MEF2A: variants seen among roughly 807,000 people sequenced by gnomAD.
The protein encoded by MEF2A is myocyte enhancer factor 2A.
In MEF2A, 28 loss-of-function variants were observed where a neutral mutation model predicts 55.8. The ratio of observed to expected loss-of-function variants is 0.50; its 90% confidence interval spans 0.37 to 0.69. MEF2A has a LOEUF of 0.69. MEF2A is among the 30% of genes least tolerant of loss of function. MEF2A has a pLI of 0.00. For synonymous variants in MEF2A, 239 were observed against 227.1 expected (o/e 1.05, Z -0.47); for missense variants, 528 against 626.2 (o/e 0.84, Z 1.67).
At chr15:99,645,925 T>G (rs956174438) in intron 4 of MEF2A, 161 bp downstream of exon 4, 2 of 528,938 alleles carry the variant, frequency 3.8e-6, no homozygotes, top group African/African-American at 3.8e-5. Context: ...GTATGGCGAC[T>G]CACTTGTGTT....
At chr15:99,636,007 T>G (rs774842950) in intron 3 of MEF2A, among the ~76,000 whole-genome samples, 25 of 152,162 alleles carry the variant, frequency 1.6e-4, no homozygotes, top group Admixed American at 8.5e-4. Flanking sequence ...TCTACTGGTT[T>G]ACACTCTGCT....
chr15:99,687,508 T>C (rs940184648), intron 7 of MEF2A, among the ~76,000 whole-genome samples: 12 of 152,224 alleles, frequency 7.9e-5, no homozygotes, highest in Non-Finnish European at 1.2e-4. Flanking sequence ...AGCTGTGGAT[T>C]ATCCAGGCTT....
At chr15:99,653,531 A>T (rs1419147207) in intron 4 of MEF2A, among the ~76,000 whole-genome samples, 1 of 152,150 alleles carries the variant, frequency 6.6e-6, no homozygotes, top group African/African-American at 2.4e-5. Context: ...GTTTTTGTTT[A>T]GTTGGTTGAT....
chr15:99,578,331 T>A (rs1433302280), intron 1 of MEF2A, among the ~76,000 whole-genome samples: 2 of 152,244 alleles, frequency 1.3e-5, no homozygotes, highest in African/African-American at 4.8e-5. Context: ...ATGCTGTTGC[T>A]TATGTTACTG....
intron 1 of MEF2A, among the ~76,000 whole-genome samples, chr15:99,593,612 G>T: frequency 6.6e-6 from 1 of 152,174 alleles, no homozygotes; most frequent in Admixed American, 6.5e-5. Flanking sequence ...CTTTGGAACT[G>T]TTTTCATGTA....
chr15:99,700,564 A>G (rs946575583), intron 8 of MEF2A, among the ~76,000 whole-genome samples: 2 of 152,140 alleles, frequency 1.3e-5, no homozygotes, highest in Non-Finnish European at 2.9e-5. Flanking sequence ...TATACATCAT[A>G]TATTTCCTAG....
chr15:99,695,256 G>T (rs2056247834), intron 8 of MEF2A, among the ~76,000 whole-genome samples: 1 of 152,092 alleles, frequency 6.6e-6, no homozygotes, highest in Non-Finnish European at 1.5e-5. Context: ...AAAGATGGGA[G>T]GGAGGAATTG....
chr15:99,677,014 A>G (rs948897996), intron 7 of MEF2A, among the ~76,000 whole-genome samples: 2 of 151,968 alleles, frequency 1.3e-5, no homozygotes, highest in Non-Finnish European at 2.9e-5. Context: ...CCAGCTACTC[A>G]GGAGGCTGAG....
chr15:99,660,364 C>T (rs1184872163), intron 4 of MEF2A, among the ~76,000 whole-genome samples: 4 of 152,132 alleles, frequency 2.6e-5, no homozygotes, highest in Non-Finnish European at 5.9e-5. Context: ...CTGTATTAGC[C>T]TCCCCTGTGG....
At chr15:99,654,541 AAAAT>A (rs1296656365) in intron 4 of MEF2A, among the ~76,000 whole-genome samples, 14 of 151,098 alleles carry the variant, frequency 9.3e-5, no homozygotes, top group South Asian at 4.2e-4. Context: ...TCCATCTCAA[AAAAT>A]AAATAAATAA....
At chr15:99,578,488 G>C (rs1406089250) in intron 1 of MEF2A, among the ~76,000 whole-genome samples, 1 of 152,144 alleles carries the variant, frequency 6.6e-6, no homozygotes, top group African/African-American at 2.4e-5. Context: ...CATTTTACCA[G>C]CTCCAACCCT....
chr15:99,593,231 G>T (rs1040596021), intron 1 of MEF2A, among the ~76,000 whole-genome samples: 2 of 152,038 alleles, frequency 1.3e-5, no homozygotes, highest in African/African-American at 4.8e-5. Flanking sequence ...ATTTTTATCT[G>T]TCTCTTGTAC....
chr15:99,694,009 T>C (rs1371529611), intron 8 of MEF2A, among the ~76,000 whole-genome samples: 1 of 152,244 alleles, frequency 6.6e-6, no homozygotes, highest in Non-Finnish European at 1.5e-5. Context: ...GATACGTTAT[T>C]ATTAACTGAA....
chr15:99,627,200 A>G (rs570551392), intron 2 of MEF2A, among the ~76,000 whole-genome samples: 5 of 152,000 alleles, frequency 3.3e-5, no homozygotes, highest in African/African-American at 9.7e-5. Context: ...GGTTAGGGCC[A>G]GTGAAAAAGT....
intron 2 of MEF2A, among the ~76,000 whole-genome samples, chr15:99,608,622 A>T (rs1975977866): frequency 6.6e-6 from 1 of 152,134 alleles, no homozygotes; most frequent in Non-Finnish European, 1.5e-5. Flanking sequence ...ACTTTGGGCG[A>T]GCGTGGTGGC....
At chr15:99,664,355 G>T (rs2049205246) in intron 4 of MEF2A, among the ~76,000 whole-genome samples, 1 of 152,298 alleles carries the variant, frequency 6.6e-6, no homozygotes, top group Admixed American at 6.5e-5. Flanking sequence ...CTGAAGGCCG[G>T]ACACCAGGAA....
At chr15:99,657,562 T>C (rs2047945150) in intron 4 of MEF2A, 1 of 152,074 alleles carries the variant, frequency 6.6e-6, no homozygotes, top group African/African-American at 2.4e-5. Context: ...GGTAAAAAAG[T>C]ATTTAAAGTT....
chr15:99,712,667 C>A lies in MEF2A; in HGVS notation c.1414C>A (p.Arg472=), dbSNP rs755946369. ...TGATGGCAGTGATCGGGAGGATCCA[C>A]GGGGCGACTTCCATTCTCCAATTGT... ...SYDGSDREDP[R]GDFHSPIVLG... The change falls in exon 12 of 12, where the codon CGG becomes AGG. Residue 472 remains arginine (R), a synonymous_variant. Transcript: ENST00000557942. This position sits in a 1 kb window ranked among gnomAD's most constrained non-coding sequence, Gnocchi z 4.1. 3.2e-6 allele frequency: 5 copies of A among 1,557,182 alleles called. No individual in the cohort carries two copies. In the South Asian group the frequency reaches 5.9e-5, roughly 18 times the overall value.
chr15:99,694,384 T>G (rs971714661), intron 8 of MEF2A, among the ~76,000 whole-genome samples: 1 of 152,212 alleles, frequency 6.6e-6, no homozygotes, highest in Admixed American at 6.5e-5. Context: ...ATTCCAGATT[T>G]CAGATTTTTT....
Sources: gnomAD v4.1 joint callset for allele counts (sites outside exome capture counted in the v4.1 genomes callset) on GRCh38, gnomAD v4.1.1 for gene constraint, Gnocchi (gnomAD v3.1) non-coding constraint, MANE v1.5 for transcripts, NCBI Gene and HGNC (gene_info 2026-07-23, HGNC 2026-07-21) for gene names.